Variants in SMAP1 observed in about 807,000 individuals in gnomAD.
SMAP1 encodes the protein small ArfGAP 1, also known as stromal membrane-associated protein 1.
SMAP1 carries 24 observed loss-of-function variants against 58.5 expected under a neutral mutation model. The observed-to-expected ratio is 0.41, with a 90% CI of 0.30 to 0.58. The LOEUF is 0.58. SMAP1 is among the 20% of genes least tolerant of loss of function. The pLI is 0.29. For synonymous variants in SMAP1, 216 were observed against 196.6 expected (o/e 1.10, Z -0.82); for missense variants, 563 against 566.3 (o/e 0.99, Z 0.06).
chr6:70,756,616 A>T (rs542240912), intron 3 of SMAP1, among the ~76,000 whole-genome samples: 5 of 152,214 alleles, frequency 3.3e-5, no homozygotes, highest in African/African-American at 1.2e-4. Context: ...AAGGGTTTTC[A>T]GTATGATGTA....
At chr6:70,777,630 A>G (rs1211932932) in intron 4 of SMAP1, among the ~76,000 whole-genome samples, 3 of 151,464 alleles carry the variant, frequency 2.0e-5, no homozygotes, top group East Asian at 2.0e-4. Flanking sequence ...CCATTTTTCT[A>G]TTTTTGGTTT....
intron 1 of SMAP1, among the ~76,000 whole-genome samples, chr6:70,706,174 G>A (rs1767829428): frequency 6.6e-6 from 1 of 152,168 alleles, no homozygotes; most frequent in Admixed American, 6.5e-5. Context: ...CAAGGTTTTT[G>A]ACAACGAAGT....
chr6:70,830,852 T>A (rs1195443750), intron 6 of SMAP1, among the ~76,000 whole-genome samples: 1 of 152,232 alleles, frequency 6.6e-6, no homozygotes, highest in Non-Finnish European at 1.5e-5. Context: ...TGTGCTTTGC[T>A]GTAGAAACTA....
intron 4 of SMAP1, among the ~76,000 whole-genome samples, chr6:70,779,534 G>A (rs1767677135): frequency 6.6e-6 from 1 of 152,178 alleles, no homozygotes; most frequent in African/African-American, 2.4e-5. Flanking sequence ...TGCAGGGGCT[G>A]TGGTGGGAAT....
At chr6:70,693,298 C>CTTTTTTTT (rs55693339) in intron 1 of SMAP1, among the ~76,000 whole-genome samples, 2 of 109,626 alleles carry the variant, frequency 1.8e-5, no homozygotes, top group Non-Finnish European at 3.6e-5. Context: ...ATGTCATCTT[C>CTTTTTTTT]TTTTTTTTTT....
chr6:70,836,778 G>T (rs1199818453), intron 6 of SMAP1, among the ~76,000 whole-genome samples, 163 bp from the exon 7 acceptor site: 2 of 152,162 alleles, frequency 1.3e-5, no homozygotes, highest in East Asian at 1.9e-4. Flanking sequence ...CAACAGTCAT[G>T]TTCGCTTGTT....
intron 6 of SMAP1, among the ~76,000 whole-genome samples, chr6:70,801,375 TGTAA>T (rs1214779513): frequency 6.6e-6 from 1 of 152,226 alleles, no homozygotes; most frequent in African/African-American, 2.4e-5. Context: ...TTTTTTTTCT[TGTAA>T]GTTTGTTTAA....
rs1427411603 is a variant in SMAP1, at chr6:70,750,463, C to T, written c.253-4517C>T. ...TTCAGTCTCTGTAAAATATAAATGA[C>T]TTAAAATTGTTTTAGAATAGGGGTT... On this transcript the variant is annotated intron_variant, in intron 2 of 10. Transcript: ENST00000370455. 2.6e-5 allele frequency among the ~76,000 whole-genome samples: 4 copies of T among 152,114 alleles called. No homozygotes were observed. The East Asian group carries it at 7.7e-4, about 29-fold the overall frequency.
At chr6:70,829,775 C>T (rs760258015) in intron 6 of SMAP1, among the ~76,000 whole-genome samples, 3 of 152,170 alleles carry the variant, frequency 2.0e-5, no homozygotes, top group Non-Finnish European at 4.4e-5. Flanking sequence ...ATAATTACCA[C>T]TAGAACTTAG....
intron 4 of SMAP1, among the ~76,000 whole-genome samples, chr6:70,787,684 A>G (rs138711228): frequency 7.1e-6 from 1 of 140,794 alleles, no homozygotes; most frequent in African/African-American, 2.6e-5. Flanking sequence ...ATGCAGCCAA[A>G]AAACACATGA....
intron 4 of SMAP1, among the ~76,000 whole-genome samples, chr6:70,779,353 G>A (rs1767669177): frequency 6.6e-6 from 1 of 152,338 alleles, no homozygotes; most frequent in Non-Finnish European, 1.5e-5. Context: ...ATGTAGTCTA[G>A]TGTTGGCGGT....
At chr6:70,786,793 C>CA in intron 4 of SMAP1, among the ~76,000 whole-genome samples, 1 of 151,902 alleles carries the variant, frequency 6.6e-6, no homozygotes, top group South Asian at 2.1e-4. Context: ...CACTGCTCAA[C>CA]AAAATAAAAG....
At chr6:70,740,479 CA>C (rs34150685) in intron 2 of SMAP1, among the ~76,000 whole-genome samples, 97,231 of 146,392 alleles carry the variant, frequency 0.66, 33,052 homozygotes, top group African/African-American at 0.82. Flanking sequence ...AAAAAAAAAA[CA>C]AAAAAAAAAC....
At chr6:70,768,013 T>C (rs1767078273) in intron 3 of SMAP1, among the ~76,000 whole-genome samples, 1 of 151,244 alleles carries the variant, frequency 6.6e-6, no homozygotes, top group African/African-American at 2.4e-5. Flanking sequence ...GATAATCATG[T>C]GGTTTTTGTC....
intron 1 of SMAP1, among the ~76,000 whole-genome samples, chr6:70,700,238 C>T (rs550161702): frequency 2.0e-4 from 31 of 152,352 alleles, no homozygotes; most frequent in Non-Finnish European, 7.3e-5. Context: ...CTCCCTGAGG[C>T]TTCCGCAGAA....
chr6:70,736,809 C>T (rs890328857), intron 2 of SMAP1, among the ~76,000 whole-genome samples: 6 of 152,164 alleles, frequency 3.9e-5, no homozygotes, highest in Non-Finnish European at 7.4e-5. Context: ...AAGGCTTTGC[C>T]TTATTTCTGA....
intron 1 of SMAP1, among the ~76,000 whole-genome samples, chr6:70,671,532 C>G (rs1041468179): frequency 2.6e-5 from 4 of 152,104 alleles, no homozygotes; most frequent in Non-Finnish European, 5.9e-5. Context: ...GAGCCGAGAT[C>G]GCGCCACTGT....
intron 4 of SMAP1, among the ~76,000 whole-genome samples, chr6:70,774,189 C>T (rs755457254): frequency 3.3e-4 from 50 of 152,144 alleles, no homozygotes; most frequent in Non-Finnish European, 3.8e-4. Flanking sequence ...TATGTTTGCA[C>T]GATGATGCTG....
chr6:70,707,419 C>T (rs980788854), intron 1 of SMAP1, among the ~76,000 whole-genome samples: 2 of 151,858 alleles, frequency 1.3e-5, no homozygotes, highest in African/African-American at 4.8e-5. Context: ...TGAAAGTCAG[C>T]CTGAAAGCTA....
Sources: allele counts gnomAD v4.1 joint callset (sites outside exome capture counted in the v4.1 genomes callset), GRCh38; gene constraint gnomAD v4.1.1; transcripts MANE v1.5; gene names NCBI Gene and HGNC (gene_info 2026-07-23, HGNC 2026-07-21).